Variants in CYP39A1 observed in about 807,000 individuals in gnomAD.
CYP39A1 encodes cytochrome P450 family 39 subfamily A member 1, also known as 24-hydroxycholesterol 7-alpha-hydroxylase.
A neutral mutation model predicts 58.1 loss-of-function variants in CYP39A1; 49 were observed. The ratio of observed to expected loss-of-function variants is 0.84; its 90% CI spans 0.67 to 1.07. The LOEUF is 1.07. Ranked by LOEUF, CYP39A1 falls within the 50% of genes least tolerant of loss-of-function variation. CYP39A1 has a pLI of 0.00. For missense variants in CYP39A1, 531 were observed against 539.4 expected (o/e 0.98, Z 0.16); for synonymous variants, 209 against 187.6 (o/e 1.11, Z -0.93).
At chr6:46,628,244 T>A (rs191019789) in intron 6 of CYP39A1, among the ~76,000 whole-genome samples, 2 of 152,368 alleles carry the variant, frequency 1.3e-5, no homozygotes, top group Admixed American at 1.3e-4. Context: ...CTGTCCAAAG[T>A]ATTTTCACAT....
intron 5 of CYP39A1, 51 bp from the exon 6 acceptor site, chr6:46,631,121 G>A (rs758015858): frequency 2.4e-5 from 32 of 1,318,156 alleles, no homozygotes; most frequent in African/African-American, 2.2e-4. Flanking sequence ...GACAAATATC[G>A]ATGTTAATAA....
At chr6:46,591,353 G>A (rs1391236356) in intron 8 of CYP39A1, among the ~76,000 whole-genome samples, 2 of 151,892 alleles carry the variant, frequency 1.3e-5, no homozygotes, top group Non-Finnish European at 2.9e-5. Flanking sequence ...GTATATTGAT[G>A]TTTACATTAT....
intron 2 of CYP39A1, among the ~76,000 whole-genome samples, chr6:46,641,228 A>C (rs1379442356): frequency 2.0e-5 from 3 of 152,158 alleles, no homozygotes; most frequent in Admixed American, 1.3e-4. Flanking sequence ...ACGCGACTCT[A>C]CAGATCAAAG....
At chr6:46,558,292 AG>A (rs770485072) in intron 10 of CYP39A1, among the ~76,000 whole-genome samples, 12 of 152,190 alleles carry the variant, frequency 7.9e-5, no homozygotes, top group Non-Finnish European at 1.2e-4. Flanking sequence ...ACAGTTCTGC[AG>A]GCTTAACAGG....
intron 8 of CYP39A1, among the ~76,000 whole-genome samples, chr6:46,590,795 A>G (rs1405532317): frequency 6.6e-6 from 1 of 152,146 alleles, no homozygotes; most frequent in Non-Finnish European, 1.5e-5. Flanking sequence ...TGAATAACCA[A>G]TTTAATCTTT....
At chr6:46,575,118 G>A (rs983431968) in intron 10 of CYP39A1, among the ~76,000 whole-genome samples, 1 of 152,074 alleles carries the variant, frequency 6.6e-6, no homozygotes, top group African/African-American at 2.4e-5. Flanking sequence ...CCTTCACCAG[G>A]GGCTTCTGAG....
intron 1 of CYP39A1, among the ~76,000 whole-genome samples, chr6:46,647,699 G>T (rs1435916205): frequency 1.3e-5 from 2 of 151,990 alleles, no homozygotes; most frequent in African/African-American, 2.4e-5. Context: ...GTACACTTTG[G>T]GACACTGTGT....
At position 46,569,959 on chromosome 6, in the gene CYP39A1, TC is replaced by T. The variant is rs561472829; in HGVS notation, c.1251-16106del. Among the ~76,000 whole-genome samples the T allele has an allele frequency of 7.9e-5, 12 of 152,230 alleles. No individual in the cohort carries two copies. The East Asian group carries it at 2.3e-3, about 29-fold the overall frequency. ...GAATTTGTATTAATTCTTTAAATGTTCAGTAAAATTCAGAAGGGAAACAGTT... is the reference window on the plus strand; with the variant it reads ...GAATTTGTATTAATTCTTTAAATGTTAGTAAAATTCAGAAGGGAAACAGTT... On this transcript the variant is annotated intron_variant, in intron 10 of 11. Coordinates refer to ENST00000275016, the MANE Select transcript of CYP39A1 (RefSeq NM_016593.5).
chr6:46,560,669 G>A (rs1770926194), intron 10 of CYP39A1, among the ~76,000 whole-genome samples: 1 of 152,028 alleles, frequency 6.6e-6, no homozygotes, highest in African/African-American at 2.4e-5. Context: ...ATTCATTCAG[G>A]GTCAGAGATA....
Position 46,587,141 on chromosome 6 carries a change from C to A in CYP39A1, c.1186G>T (p.Glu396Ter). 1 of 1,611,172 alleles carries A rather than the reference C, an allele frequency of 6.2e-7. No individual in the cohort carries two copies. The highest frequency in any genetic ancestry group is 1.1e-5 in the South Asian group (1 of 90,378). Residue 396 changes from glutamate to a stop codon, truncating the protein, a stop_gained, in exon 10 of 12, where the codon GAG becomes TAG. Coordinates refer to ENST00000275016, the MANE Select transcript of CYP39A1 (RefSeq NM_016593.5). LOFTEE classifies it high-confidence loss of function. Reference sequence around the variant, plus strand: ...AAGCAGTCCAAGAAAGAGTGCTTCTCTAAATTTGCCTTTTTCCAACGTTCC... The same window carrying A: ...AAGCAGTCCAAGAAAGAGTGCTTCTATAAATTTGCCTTTTTCCAACGTTCC... ...KPERWKKANL[E>*]KHSFLDCFMA... is the part of the protein sequence containing the mutation.
intron 5 of CYP39A1, among the ~76,000 whole-genome samples, chr6:46,632,743 A>G (rs558145767): frequency 1.2e-4 from 19 of 152,124 alleles, no homozygotes; most frequent in Non-Finnish European, 2.8e-4. Flanking sequence ...TATAGCTTGA[A>G]GGTGGTTGAG....
At chr6:46,620,673 C>T (rs187472145) in intron 7 of CYP39A1, among the ~76,000 whole-genome samples, 147 of 152,152 alleles carry the variant, frequency 9.7e-4, no homozygotes, top group African/African-American at 3.5e-3. Context: ...GGCTCTGGCA[C>T]AGGTAGAAAG....
At chr6:46,555,443 A>G (rs1770626486) in intron 10 of CYP39A1, among the ~76,000 whole-genome samples, 1 of 152,234 alleles carries the variant, frequency 6.6e-6, no homozygotes, top group Admixed American at 6.5e-5. Flanking sequence ...TGCACAGCAC[A>G]CTATTAGTAC....
intron 2 of CYP39A1, 88 bp downstream of exon 2, chr6:46,642,075 T>C (rs1474507735): frequency 2.3e-6 from 3 of 1,323,802 alleles, no homozygotes; most frequent in Admixed American, 3.5e-5. Flanking sequence ...TCATTCTTGA[T>C]AGAGGAATGA....
intron 5 of CYP39A1, among the ~76,000 whole-genome samples, chr6:46,631,771 G>A (rs1362882911): frequency 2.0e-5 from 3 of 152,194 alleles, no homozygotes; most frequent in Non-Finnish European, 4.4e-5. Flanking sequence ...GCTCAGGGCA[G>A]GGCCCCATCC....
At position 46,652,437 on chromosome 6, in the gene CYP39A1, G is replaced by C; in HGVS notation, c.146C>G (p.Pro49Arg). Residue 49 changes from proline (P) to arginine (R), a missense_variant, in exon 1 of 12, where the codon CCT becomes CGT. Coordinates refer to ENST00000275016, the MANE Select transcript of CYP39A1 (RefSeq NM_016593.5). Reference sequence around the variant, plus strand: ...TCTTGCTTTCTCTATAAATTCTAGAGGGGCTTTCCCAAACTCAAATCCAAC... The same window carrying C: ...TCTTGCTTTCTCTATAAATTCTAGACGGGCTTTCCCAAACTCAAATCCAAC... Reference protein sequence around the residue: ...IGVGFEFGKAPLEFIEKARIK... With the variant: ...IGVGFEFGKARLEFIEKARIK... 6.2e-7 allele frequency: 1 copy of C among 1,613,570 alleles called. No homozygotes were observed. The highest frequency in any genetic ancestry group is 8.5e-7 in the Non-Finnish European group (1 of 1,179,866).
intron 8 of CYP39A1, among the ~76,000 whole-genome samples, chr6:46,590,407 C>T (rs1582349681): frequency 6.6e-6 from 1 of 151,908 alleles, no homozygotes. Context: ...GTGCTCAGAG[C>T]TAAGTGGGTG....
At chr6:46,564,387 G>C (rs1337076608) in intron 10 of CYP39A1, among the ~76,000 whole-genome samples, 1 of 151,642 alleles carries the variant, frequency 6.6e-6, no homozygotes, top group African/African-American at 2.4e-5. Flanking sequence ...GTAGAGACGA[G>C]GTTTCACCAT....
intron 7 of CYP39A1, 41 bp from the exon 8 acceptor site, chr6:46,596,161 G>A: frequency 6.6e-7 from 1 of 1,505,650 alleles, no homozygotes; most frequent in Non-Finnish European, 9.0e-7. Context: ...AGACTACAGA[G>A]GTCAGAAAGT....
Sources: allele counts gnomAD v4.1 joint callset (sites outside exome capture counted in the v4.1 genomes callset), GRCh38; gene constraint gnomAD v4.1.1; transcripts MANE v1.5; gene names NCBI Gene and HGNC (gene_info 2026-07-23, HGNC 2026-07-21).